The following RIPOR3 variants were observed in gnomAD, a reference collection of about 807,000 sequenced individuals.
The protein encoded by RIPOR3 is RIPOR family member 3.
Under a neutral mutation model 114.3 loss-of-function variants are expected in RIPOR3, and 95 were observed. That is an observed-to-expected ratio of 0.83 (90% CI 0.70 to 0.99). The LOEUF is 0.99. Ranked by LOEUF, RIPOR3 falls within the 50% of genes least tolerant of loss-of-function variation. The pLI is 0.00. For synonymous variants in RIPOR3, 575 were observed against 543.8 expected, an observed-to-expected ratio of 1.06 and a Z score of -0.80; for missense variants, 1,252 against 1,266.9, an observed-to-expected ratio of 0.99 and a Z score of 0.18.
At chr20:50,656,967 G>T (rs1306819787) in intron 1 of RIPOR3, among the ~76,000 whole-genome samples, 2 of 152,214 alleles carry the variant, frequency 1.3e-5, no homozygotes, top group African/African-American at 4.8e-5. Context: ...TTGAGGCTCT[G>T]TCTTTAGGAT....
At chr20:50,668,632 G>A (rs1398683696) in intron 1 of RIPOR3, among the ~76,000 whole-genome samples, 4 of 152,160 alleles carry the variant, frequency 2.6e-5, no homozygotes, top group African/African-American at 9.7e-5. Flanking sequence ...CAAGGCGGGC[G>A]GATCACTTGA....
intron 17 of RIPOR3, among the ~76,000 whole-genome samples, chr20:50,593,927 A>G (rs1400070028): frequency 3.3e-5 from 5 of 151,798 alleles, no homozygotes. Flanking sequence ...CATAAGGTTC[A>G]TTCTTTACCC....
intron 1 of RIPOR3, among the ~76,000 whole-genome samples, chr20:50,653,682 C>A (rs574257752): frequency 3.3e-5 from 5 of 152,036 alleles, no homozygotes; most frequent in Admixed American, 2.6e-4. Context: ...CCTCTGCCTC[C>A]CGGGTTTGAG....
intron 1 of RIPOR3, among the ~76,000 whole-genome samples, chr20:50,671,080 A>AC (rs2123528253): frequency 6.6e-6 from 1 of 152,152 alleles, no homozygotes; most frequent in East Asian, 1.9e-4. Context: ...GGCATGCACC[A>AC]CCATGCCTGG....
intron 1 of RIPOR3, among the ~76,000 whole-genome samples, chr20:50,665,342 G>C (rs987059552): frequency 1.7e-4 from 25 of 150,780 alleles, no homozygotes; most frequent in Non-Finnish European, 3.4e-4. Flanking sequence ...AGCTACTCAG[G>C]AGGCTGAGGC....
At chr20:50,621,728 A>C (rs1255238009) in intron 2 of RIPOR3, among the ~76,000 whole-genome samples, 1 of 152,176 alleles carries the variant, frequency 6.6e-6, no homozygotes, top group Non-Finnish European at 1.5e-5. Flanking sequence ...CATGACAGTG[A>C]GTTCCTGGAT....
chr20:50,642,398 GAGAGATACA>G (rs2085236990), intron 1 of RIPOR3, among the ~76,000 whole-genome samples: 2 of 151,636 alleles, frequency 1.3e-5, no homozygotes, highest in African/African-American at 4.8e-5. Flanking sequence ...GAAACAGGGA[GAGAGATACA>G]AGCTTCAAAT....
intron 3 of RIPOR3, among the ~76,000 whole-genome samples, chr20:50,617,751 G>A (rs375047246): frequency 3.4e-5 from 5 of 146,012 alleles, no homozygotes; most frequent in East Asian, 4.4e-4. Context: ...TCAGCCTCCC[G>A]AGTAGCTGGG....
intron 8 of RIPOR3, 118 bp from the exon 9 acceptor site, chr20:50,609,073 G>C (rs74829721): frequency 0.07 from 99,356 of 1,413,958 alleles, 4,027 homozygotes; most frequent in Non-Finnish European, 0.082. Flanking sequence ...GGTGAGGATG[G>C]GGGGGAGGTA....
At chr20:50,656,249 C>T (rs943724309) in intron 1 of RIPOR3, among the ~76,000 whole-genome samples, 3 of 151,570 alleles carry the variant, frequency 2.0e-5, no homozygotes, top group Non-Finnish European at 2.9e-5. Context: ...TCTTTGGAGT[C>T]GAGGGGCCTG....
At chr20:50,652,948 ACTC>A (rs1182968871) in intron 1 of RIPOR3, among the ~76,000 whole-genome samples, 7 of 152,170 alleles carry the variant, frequency 4.6e-5, no homozygotes, top group Non-Finnish European at 7.3e-5. Flanking sequence ...CAGCAGTTCC[ACTC>A]CTAAGTATAC....
Position 50,587,337 on chromosome 20 carries a change from A to G in RIPOR3, c.2753-5T>C, listed in dbSNP as rs1229084059. Reference sequence around the variant, plus strand: ...AAGCTAACCGTCCTTTTTCACCTGAAATAGCAAAGGGACCTGTCAGCGGGT... The same window carrying G: ...AAGCTAACCGTCCTTTTTCACCTGAGATAGCAAAGGGACCTGTCAGCGGGT... On this transcript the variant is annotated splice_region_variant and splice_polypyrimidine_tract_variant and intron_variant, in intron 21 of 21. Coordinates refer to ENST00000327979, the MANE Select transcript of RIPOR3 (RefSeq NM_001290268.2). 5 of 1,613,196 alleles carry G rather than the reference A, an allele frequency of 3.1e-6. No homozygotes were observed. Among genetic ancestry groups the G allele is most frequent in the African/African-American group, 1.3e-5 (1 of 75,050 alleles).
At chr20:50,684,210 G>A (rs1413581954) in intron 1 of RIPOR3, among the ~76,000 whole-genome samples, 1 of 152,148 alleles carries the variant, frequency 6.6e-6, no homozygotes, top group Non-Finnish European at 1.5e-5. Context: ...CCAGAAAAGG[G>A]ATGAAGAAGA....
rs745685220 is a variant in RIPOR3 at position 50,602,139 on chromosome 20, G to T, written c.1592C>A (p.Thr531Lys). The T allele has an allele frequency of 6.2e-7, 1 of 1,611,190 alleles. No homozygotes were observed. Residue 531 changes from threonine (T) to lysine (K), a missense_variant, in exon 13 of 22, where the codon ACG becomes AAG. Transcript: ENST00000327979. This position sits in a 1 kb window ranked among gnomAD's most constrained non-coding sequence, Gnocchi z 4.3. ...LQEVLELLRP[T>K]DSTQPQLREL... ...CCGGAGCTGGGGCTGGGTGGAGTCCGTGGGCCTCAGCAACTCCAGGACCTC... is the reference window on the plus strand; with the variant it reads ...CCGGAGCTGGGGCTGGGTGGAGTCCTTGGGCCTCAGCAACTCCAGGACCTC...
chr20:50,685,973 C>T (rs1204285310), intron 1 of RIPOR3, among the ~76,000 whole-genome samples: 3 of 152,002 alleles, frequency 2.0e-5, no homozygotes, highest in Admixed American at 2.0e-4. Context: ...TAGAATGATC[C>T]CATTTTTGAA....
chr20:50,666,513 C>T (rs1323085103), intron 1 of RIPOR3, among the ~76,000 whole-genome samples: 1 of 151,362 alleles, frequency 6.6e-6, no homozygotes, highest in Non-Finnish European at 1.5e-5. Context: ...CGTGAGTCAC[C>T]ACGCCCAGCC....
chr20:50,681,238 A>AAAAAG (rs1188623460), intron 1 of RIPOR3, among the ~76,000 whole-genome samples: 9 of 124,584 alleles, frequency 7.2e-5, no homozygotes, highest in Non-Finnish European at 1.3e-4. Flanking sequence ...AAAAAAAAAA[A>AAAAAG]AAAAGAAAAG....
chr20:50,652,675 T>C (rs2085662487), intron 1 of RIPOR3, among the ~76,000 whole-genome samples: 1 of 150,706 alleles, frequency 6.6e-6, no homozygotes, highest in African/African-American at 2.4e-5. Flanking sequence ...GCCCTCTCTA[T>C]ACCCATAAGC....
intron 1 of RIPOR3, among the ~76,000 whole-genome samples, chr20:50,687,772 G>A (rs923392532): frequency 5.9e-5 from 9 of 151,972 alleles, no homozygotes; most frequent in East Asian, 1.9e-4. Context: ...GCATGGTAGC[G>A]GGTGCCTGTA....
Sources: gnomAD v4.1 joint callset for allele counts (sites outside exome capture counted in the v4.1 genomes callset) on GRCh38, gnomAD v4.1.1 for gene constraint, Gnocchi (gnomAD v3.1) non-coding constraint, MANE v1.5 for transcripts, NCBI Gene and HGNC (gene_info 2026-07-23, HGNC 2026-07-21) for gene names.